Variants in PLCB2 observed in about 807,000 individuals in gnomAD.
The protein encoded by PLCB2 is 1-phosphatidylinositol 4,5-bisphosphate phosphodiesterase beta-2.
In PLCB2, 115 loss-of-function variants were observed where a neutral mutation model predicts 141.7. The ratio of observed to expected loss-of-function variants is 0.81; its 90% CI spans 0.70 to 0.95. PLCB2 has a LOEUF of 0.95. Among genes scored for constraint, PLCB2 ranks in the 40% least tolerant of loss-of-function variants. The probability of loss-of-function intolerance (pLI) is 0.00; values close to 1 mark genes in which losing one functional copy is unlikely to be tolerated. For synonymous variants in PLCB2, 603 were observed against 595.6 expected (o/e 1.01, Z -0.18); for missense variants, 1,403 against 1,541.1 (o/e 0.91, Z 1.50).
At chr15:40,284,325 GAGAC>G (rs2039578933), downstream of PLCB2, 7 of 333,800 alleles carry the variant, frequency 2.1e-5, no homozygotes, top group South Asian at 1.6e-4. Context: ...GGGTAAGAGA[GAGAC>G]AGAATCTCGG....
chr15:40,290,078 TC>T lies in PLCB2; in HGVS notation c.3213del (p.Lys1072ArgfsTer12). On this transcript the variant is annotated frameshift_variant, in exon 30 of 32. Coordinates refer to ENST00000260402, the MANE Select transcript of PLCB2 (RefSeq NM_004573.3). LOFTEE classifies it high-confidence loss of function. ...VTTDKMAQER[L>X]KREINNSHIQ... ...ATGTGGGAGTTGTTAATCTCTCTCT[TC>T]AACCTGTTGGTGTAATTGGAGTTTT... 6.2e-7 allele frequency: 1 copy of T among 1,606,354 alleles called. No homozygotes were observed. Among genetic ancestry groups the T allele is most frequent in the Non-Finnish European group, 8.5e-7 (1 of 1,173,458 alleles).
At position 40,289,958 on chromosome 15, in the gene PLCB2, AGAGAGAGAGAGT is replaced by A. The variant is rs1355682720; in HGVS notation, c.3267+55_3267+66del. 1.7e-3 allele frequency: 1,127 copies of A among 668,366 alleles called. 1 individual carries two copies. The highest frequency in any genetic ancestry group is 2.8e-3 in the Middle Eastern group (10 of 3,588). 41.4% of individuals were successfully genotyped at this position (668,366 alleles called of 1,614,324 possible). A position where few individuals can be genotyped will look rare whatever the true frequency, so the allele number is the denominator to read the frequency against. On this transcript the variant is annotated intron_variant, in intron 30 of 31. Transcript: ENST00000260402. ...GAGAGAGAGAGAGAGAGAGAGAGAG[AGAGAGAGAGAGT>A]GTGTGTGTGTGTGTGTGTGTGTGTG...
rs184388451 is a variant in PLCB2 at position 40,294,937 on chromosome 15, C to T, written c.1905G>A (p.Met635Ile). 6.2e-7 allele frequency: 1 copy of T among 1,614,054 alleles called. No homozygotes were observed. The highest frequency in any genetic ancestry group is 1.7e-5 in the Admixed American group (1 of 60,022). ...TTAGGGGCCTGGGAATGCCCTCACC[C>T]ATCGTCTGGAAGTTGAGGGCAACCA... ...CQMVALNFQT[M>I]DLPMQQNMAV... The change falls in exon 18 of 32, where the codon ATG becomes ATA. Residue 635 changes from methionine to isoleucine, a missense_variant and splice_region_variant. Transcript: ENST00000260402.
intron 7 of PLCB2, chr15:40,301,665 G>A (rs888565474): frequency 1.1e-5 from 8 of 703,096 alleles, no homozygotes; most frequent in South Asian, 4.4e-5. Context: ...AATGCATGCC[G>A]TTTCTGCTGC....
intron 6 of PLCB2, 29 bp downstream of exon 6, chr15:40,302,107 G>C: frequency 6.2e-7 from 1 of 1,613,086 alleles, no homozygotes; most frequent in Non-Finnish European, 8.5e-7. Context: ...GGAGCCCCTG[G>C]AAGCCTGGGG....
At position 40,297,190 on chromosome 15, in the gene PLCB2, T is replaced by C. The variant is rs2040267778; in HGVS notation, c.1324-282A>G. ...CTACTCTAGGAGCCCTGTCCATCAC[T>C]TCCTCCAGGAAGCCTTCCCTGATCC... On this transcript the variant is annotated intron_variant, in intron 13 of 31. Transcript: ENST00000260402. This position sits in a 1 kb window ranked among gnomAD's most constrained non-coding sequence, Gnocchi z 4.2. Among the ~76,000 whole-genome samples the C allele has an allele frequency of 6.6e-6, 1 of 151,952 alleles. No homozygotes were observed. The highest frequency in any genetic ancestry group is 2.4e-5 in the African/African-American group (1 of 41,358).
Position 40,288,022 on chromosome 15 carries a change from A to C in PLCB2, c.*693T>G, listed in dbSNP as rs1284663040. 1 of 985,296 alleles carries C rather than the reference A, an allele frequency of 1.0e-6. No homozygotes were observed. The highest frequency in any genetic ancestry group is 1.2e-6 in the Non-Finnish European group (1 of 829,898). 61.0% of individuals were successfully genotyped at this position (985,296 alleles called of 1,614,324 possible). A position where few individuals can be genotyped will look rare whatever the true frequency, so the allele number is the denominator to read the frequency against. ...CAGGCAGGCAGCCTGAGAGGGGTAC[A>C]TGGTAGGAACTGCCTGCCCCCAGGC... On this transcript the variant is annotated 3_prime_UTR_variant, in exon 32 of 32. Coordinates refer to ENST00000260402, the MANE Select transcript of PLCB2 (RefSeq NM_004573.3).
intron 28 of PLCB2, 37 bp from the exon 29 acceptor site, chr15:40,290,709 G>C (rs1206530660): frequency 6.2e-7 from 1 of 1,611,234 alleles, no homozygotes. Context: ...TGTTTTGTGC[G>C]GCTGAGCCCT....
downstream of PLCB2, chr15:40,285,476 A>AT (rs371552968): frequency 8.7e-5 from 83 of 949,986 alleles, no homozygotes; most frequent in East Asian, 1.2e-4. Flanking sequence ...TAGTTATTTC[A>AT]TTTTTTTTAT....
Position 40,298,795 on chromosome 15 carries a change from C to A in PLCB2, c.850+3G>T. The A allele has an allele frequency of 6.2e-7, 1 of 1,612,280 alleles. No homozygotes were observed. The highest frequency in any genetic ancestry group is 1.3e-5 in the African/African-American group (1 of 75,034). On this transcript the variant is annotated splice_donor_region_variant and intron_variant, in intron 9 of 31. Coordinates refer to ENST00000260402, the MANE Select transcript of PLCB2 (RefSeq NM_004573.3). The stretch of plus-strand genomic sequence containing the variant: ...GGGGACAAGGGGTTCCCTTAGTCCT[C>A]ACCCCTCTGTGCATTGATGCCACTG...
chr15:40,291,208 C>G, intron 26 of PLCB2, 25 bp from the exon 27 acceptor site: 2 of 1,571,190 alleles, frequency 1.3e-6, no homozygotes, highest in Non-Finnish European at 1.7e-6. Context: ...TGGGGACAGG[C>G]CCTGAGATCC....
chr15:40,296,230 C>A, intron 16 of PLCB2, 66 bp downstream of exon 16: 1 of 1,268,268 alleles, frequency 7.9e-7, no homozygotes, highest in Admixed American at 1.9e-5. Flanking sequence ...GGCAGGGCCC[C>A]AAGTCCAAGG....
In PLCB2 at chr15:40,303,311, C is replaced by G; in HGVS notation, c.208G>C (p.Gly70Arg). The G allele has an allele frequency of 6.2e-7, 1 of 1,613,916 alleles. No individual in the cohort carries two copies. ...ACCTTGGGCATCTTGGCAAACTTCC[C>G]AAAGCGAGTATCCCGGATGCTGGTG... Reference protein sequence around the residue: ...DITSIRDTRFGKFAKMPKSQK... With the variant: ...DITSIRDTRFRKFAKMPKSQK... The change falls in exon 3 of 32, where the codon GGG becomes CGG. Residue 70 changes from glycine (G) to arginine (R), a missense_variant. By Grantham distance (125) the Gly-to-Arg change is moderately radical (BLOSUM62 -2). Transcript: ENST00000260402.
In PLCB2 at chr15:40,307,455, A is replaced by C. The variant is rs537650632; in HGVS notation, c.84+134T>G. ...GTTTGTTTATCCAAGCAGTGGTGTCAGCTGCCTGGCCAAACCACACAGGCG... is the reference window on the plus strand; with the variant it reads ...GTTTGTTTATCCAAGCAGTGGTGTCCGCTGCCTGGCCAAACCACACAGGCG... On this transcript the variant is annotated intron_variant, in intron 1 of 31. Coordinates refer to ENST00000260402, the MANE Select transcript of PLCB2 (RefSeq NM_004573.3). 2.8e-4 allele frequency: 147 copies of C among 529,102 alleles called. No homozygotes were observed. In the East Asian group the frequency reaches 4.8e-3, roughly 17 times the overall value. 32.8% of individuals were successfully genotyped at this position (529,102 alleles called of 1,614,324 possible). A position where few individuals can be genotyped will look rare whatever the true frequency, so the allele number is the denominator to read the frequency against.
intron 1 of PLCB2, among the ~76,000 whole-genome samples, chr15:40,306,613 C>A (rs992981098): frequency 7.9e-5 from 12 of 152,304 alleles, no homozygotes; most frequent in African/African-American, 2.9e-4. Flanking sequence ...CCACAGGGCC[C>A]CAACCCATAG....
Position 40,303,268 on chromosome 15 carries a change from C to A in PLCB2, c.231+20G>T. The A allele has an allele frequency of 6.3e-7, 1 of 1,589,238 alleles. No individual in the cohort carries two copies. The highest frequency in any genetic ancestry group is 8.6e-7 in the Non-Finnish European group (1 of 1,157,290). On this transcript the variant is annotated intron_variant, in intron 3 of 31. Transcript: ENST00000260402. ...GCTAGTAGCTGTGCTTGAGCCTGGG[C>A]TGCTACTGGACACACCTACCTTGGG...
chr15:40,294,226 A>T, intron 19 of PLCB2, 40 bp downstream of exon 19: 2 of 1,605,802 alleles, frequency 1.2e-6, no homozygotes, highest in Non-Finnish European at 1.7e-6. Context: ...TCTACTCAAG[A>T]CCTCAGCCTC....
chr15:40,291,670 G>T lies in PLCB2; in HGVS notation c.2603-20C>A. The T allele has an allele frequency of 1.9e-6, 3 of 1,612,022 alleles. No homozygotes were observed. Among genetic ancestry groups the T allele is most frequent in the Non-Finnish European group, 2.5e-6 (3 of 1,179,412 alleles). ...TGGCTGCTGCAAGAGCCACGGGCTG[G>T]GCTGTCAGGTGCTCTGGGGGGCCCC... On this transcript the variant is annotated intron_variant, in intron 24 of 31. Transcript: ENST00000260402.
At position 40,293,708 on chromosome 15, in the gene PLCB2, A is replaced by T. The variant is rs2141072953; in HGVS notation, c.2078T>A (p.Phe693Tyr). 1 of 1,612,308 alleles carries T rather than the reference A, an allele frequency of 6.2e-7. No homozygotes were observed. Among genetic ancestry groups the T allele is most frequent in the South Asian group, 1.1e-5 (1 of 91,042 alleles). The change falls in exon 20 of 32, where the codon TTC becomes TAC. Residue 693 changes from phenylalanine (F) to tyrosine (Y), a missense_variant. Transcript: ENST00000260402. ...TLSITVISGQ[F>Y]LSERSVRTYV... ...GGTGCGCACGCTGCGTTCTGACAGG[A>T]ACTGCCCAGAGATCACCTGGGGGTA...
Sources: allele counts gnomAD v4.1 joint callset (sites outside exome capture counted in the v4.1 genomes callset), GRCh38; gene constraint gnomAD v4.1.1; non-coding constraint Gnocchi (gnomAD v3.1); transcripts MANE v1.5; gene names NCBI Gene and HGNC (gene_info 2026-07-23, HGNC 2026-07-21).